Variants in ZNF423 observed in about 807,000 individuals in gnomAD.
ZNF423 encodes Ebf-associated zinc finger protein.
Under a neutral mutation model 95.8 loss-of-function variants are expected in ZNF423, and 12 were observed. That is an observed-to-expected ratio of 0.13 (90% CI 0.08 to 0.20). ZNF423 has a LOEUF of 0.20. Ranked by LOEUF, ZNF423 falls within the 10% of genes least tolerant of loss-of-function variation. ZNF423 has a pLI of 1.00. For missense variants in ZNF423, 1,316 were observed against 1,737.1 expected, an observed-to-expected ratio of 0.76 and a Z score of 4.31; for synonymous variants, 749 against 711.9, an observed-to-expected ratio of 1.05 and a Z score of -0.83.
chr16:49,604,792 C>T (rs1971482061), intron 5 of ZNF423, among the ~76,000 whole-genome samples: 1 of 152,152 alleles, frequency 6.6e-6, no homozygotes, highest in African/African-American at 2.4e-5. Context: ...ACCAAGAAGC[C>T]TGCTGCATCC....
At chr16:49,723,866 T>C (rs1481491566) in intron 3 of ZNF423, among the ~76,000 whole-genome samples, 12 of 152,142 alleles carry the variant, frequency 7.9e-5, no homozygotes, top group African/African-American at 2.7e-4. Context: ...ATACACTAGA[T>C]TTCCAGTTGT....
chr16:49,709,166 G>T (rs919215721), intron 3 of ZNF423, among the ~76,000 whole-genome samples: 1 of 120,008 alleles, frequency 8.3e-6, no homozygotes, highest in African/African-American at 3.5e-5. Context: ...TTCAGCAGCC[G>T]TTTATATATA....
At chr16:49,726,920 T>C (rs900141587) in intron 3 of ZNF423, among the ~76,000 whole-genome samples, 1 of 138,400 alleles carries the variant, frequency 7.2e-6, no homozygotes, top group African/African-American at 2.7e-5. Context: ...AACCCCTTCA[T>C]AACATGTTAT....
intron 5 of ZNF423, among the ~76,000 whole-genome samples, chr16:49,563,879 G>C (rs1408612248): frequency 6.6e-6 from 1 of 152,234 alleles, no homozygotes; most frequent in Non-Finnish European, 1.5e-5. Flanking sequence ...GTCTGCTCAA[G>C]AGCCTCCAAT....
intron 5 of ZNF423, among the ~76,000 whole-genome samples, chr16:49,527,670 C>T (rs998996556): frequency 1.3e-5 from 2 of 152,172 alleles, no homozygotes; most frequent in Non-Finnish European, 2.9e-5. Context: ...ATATTTCAAT[C>T]TCAGAAATAA....
chr16:49,783,644 T>G (rs1331845521), intron 2 of ZNF423, among the ~76,000 whole-genome samples: 2 of 150,956 alleles, frequency 1.3e-5, no homozygotes, highest in African/African-American at 4.9e-5. Flanking sequence ...GGGTTAGGGT[T>G]AGGGCTAGTG....
intron 5 of ZNF423, among the ~76,000 whole-genome samples, chr16:49,606,896 A>G (rs1971553435): frequency 6.6e-6 from 1 of 152,108 alleles, no homozygotes; most frequent in Non-Finnish European, 1.5e-5. Flanking sequence ...GGCCATTGGA[A>G]CCAGAGCAGA....
intron 1 of ZNF423, among the ~76,000 whole-genome samples, chr16:49,800,988 C>T (rs1196618743): frequency 6.6e-6 from 1 of 152,244 alleles, no homozygotes; most frequent in African/African-American, 2.4e-5. Context: ...ACAAAGCCAC[C>T]TGATGTGGCA....
At chr16:49,732,945 C>G (rs2033203018) in intron 2 of ZNF423, among the ~76,000 whole-genome samples, 1 of 152,218 alleles carries the variant, frequency 6.6e-6, no homozygotes, top group African/African-American at 2.4e-5. Context: ...CAAAACATCT[C>G]TCTTCTTACC....
intron 6 of ZNF423, among the ~76,000 whole-genome samples, chr16:49,524,593 A>G (rs955608728): frequency 1.3e-5 from 2 of 152,188 alleles, no homozygotes; most frequent in African/African-American, 2.4e-5. Context: ...CTGGCTTCCC[A>G]GTGGCAGGAG....
intron 1 of ZNF423, among the ~76,000 whole-genome samples, chr16:49,791,534 G>A (rs1320261250): frequency 6.6e-6 from 1 of 152,166 alleles, no homozygotes; most frequent in Non-Finnish European, 1.5e-5. Context: ...CTGCCAGTGT[G>A]CAAGGTTACC....
intron 1 of ZNF423, among the ~76,000 whole-genome samples, chr16:49,848,288 G>T (rs939169311): frequency 5.3e-5 from 8 of 152,126 alleles, no homozygotes; most frequent in Admixed American, 4.6e-4. Context: ...GTAGGTGACG[G>T]TGATAGGCAT....
chr16:49,554,858 A>T (rs1185004475), intron 5 of ZNF423, among the ~76,000 whole-genome samples: 1 of 152,120 alleles, frequency 6.6e-6, no homozygotes, highest in Admixed American at 6.5e-5. Context: ...GACCTTCAGG[A>T]CAAAAGCACC....
rs566225033 is a variant in ZNF423 at position 49,669,079 on chromosome 16, T to C, written c.302-30205A>G. 1.6e-4 allele frequency among the ~76,000 whole-genome samples: 24 copies of C among 152,032 alleles called. 1 individual carries two copies. The highest frequency in any genetic ancestry group is 3.2e-3 in the Middle Eastern group (1 of 316). On this transcript the variant is annotated intron_variant, in intron 3 of 7. Coordinates refer to ENST00000563137, the MANE Select transcript of ZNF423 (RefSeq NM_001379286.1). The stretch of plus-strand genomic sequence containing the variant: ...GCGCGGCAGCTCATGTCTGTAATCC[T>C]AGCACTTTGGGAGGCCGAGGCAGGC...
intron 3 of ZNF423, among the ~76,000 whole-genome samples, chr16:49,684,136 C>T (rs374189653): frequency 6.6e-6 from 1 of 152,104 alleles, no homozygotes; most frequent in Admixed American, 6.6e-5. Context: ...CAGGTCAGAC[C>T]GTGAACTCCC....
At chr16:49,783,682 G>T (rs1258632563) in intron 2 of ZNF423, among the ~76,000 whole-genome samples, 1 of 151,978 alleles carries the variant, frequency 6.6e-6, no homozygotes, top group East Asian at 1.9e-4. Context: ...GAATAAAGGG[G>T]ATTTGGAGAC....
chr16:49,775,643 C>A (rs2034108577), intron 2 of ZNF423, among the ~76,000 whole-genome samples: 1 of 152,164 alleles, frequency 6.6e-6, no homozygotes, highest in Admixed American at 6.5e-5. Context: ...CTGAGTCAAG[C>A]CCATTCTCAC....
At chr16:49,540,072 A>G (rs1327101320) in intron 5 of ZNF423, among the ~76,000 whole-genome samples, 1 of 152,210 alleles carries the variant, frequency 6.6e-6, no homozygotes, top group East Asian at 1.9e-4. Context: ...GGCTTGGTCT[A>G]GAGGGGTGAT....
At chr16:49,842,587 G>C (rs2035202357) in intron 1 of ZNF423, among the ~76,000 whole-genome samples, 1 of 152,072 alleles carries the variant, frequency 6.6e-6, no homozygotes, top group Admixed American at 6.5e-5. Flanking sequence ...TATCTTGGGG[G>C]GGAAAAAATA....
Sources: gnomAD v4.1 joint callset for allele counts (sites outside exome capture counted in the v4.1 genomes callset) on GRCh38, gnomAD v4.1.1 for gene constraint, MANE v1.5 for transcripts, NCBI Gene and HGNC (gene_info 2026-07-23, HGNC 2026-07-21) for gene names.